The following LINGO2 variants were observed in gnomAD, a reference collection of about 807,000 sequenced individuals.
LINGO2 encodes leucine-rich repeat and immunoglobulin-like domain-containing nogo receptor-interacting protein 2.
LINGO2 carries 14 observed loss-of-function variants against 30.6 expected under a neutral mutation model. The ratio of observed to expected loss-of-function variants is 0.46; its 90% CI spans 0.30 to 0.72. The LOEUF (loss-of-function observed/expected upper bound fraction) is 0.72, where lower values mean the gene tolerates loss of function less well. Among genes scored for constraint, LINGO2 ranks in the 30% least tolerant of loss-of-function variants. LINGO2 has a pLI of 0.07. For missense variants in LINGO2, 729 were observed against 751.7 expected (o/e 0.97, Z 0.35); for synonymous variants, 317 against 288.5 (o/e 1.10, Z -1.00).
intron 4 of LINGO2, among the ~76,000 whole-genome samples, chr9:28,132,867 A>C (rs1827415486): frequency 6.6e-6 from 1 of 152,258 alleles, no homozygotes; most frequent in African/African-American, 2.4e-5. Flanking sequence ...ACTTACGTGA[A>C]TAGTGACAGC....
intron 2 of LINGO2, among the ~76,000 whole-genome samples, chr9:28,448,345 A>G (rs1824509974): frequency 6.6e-6 from 1 of 152,116 alleles, no homozygotes; most frequent in Non-Finnish European, 1.5e-5. Context: ...ACATTTAAAA[A>G]CTGCTATAAG....
chr9:28,622,670 A>G (rs1826458783), intron 1 of LINGO2, among the ~76,000 whole-genome samples: 1 of 151,970 alleles, frequency 6.6e-6, no homozygotes, highest in Non-Finnish European at 1.5e-5. Flanking sequence ...GAGTGCAGAC[A>G]TCTCTTAGAT....
chr9:28,446,677 G>T (rs905413786), intron 2 of LINGO2, among the ~76,000 whole-genome samples: 1 of 152,130 alleles, frequency 6.6e-6, no homozygotes, highest in Non-Finnish European at 1.5e-5. Context: ...CCTTCAAACT[G>T]GTTTTCCTTC....
the LINGO2 span, among the ~76,000 whole-genome samples, chr9:28,761,396 A>G: frequency 6.6e-6 from 1 of 151,902 alleles, no homozygotes; most frequent in South Asian, 2.1e-4. Context: ...GAGGAAGTAC[A>G]AAGGAAAAAC....
chr9:28,323,889 G>T (rs1180406031), intron 3 of LINGO2, among the ~76,000 whole-genome samples: 1 of 152,072 alleles, frequency 6.6e-6, no homozygotes, highest in Non-Finnish European at 1.5e-5. Context: ...GAAATTAAAA[G>T]CTACCCCTAA....
chr9:29,057,336 T>A, the LINGO2 span, among the ~76,000 whole-genome samples: 1 of 152,162 alleles, frequency 6.6e-6, no homozygotes, highest in South Asian at 2.1e-4. Flanking sequence ...TTGGTTTTCA[T>A]CCATGAAAGA....
chr9:28,429,460 G>T (rs1010642643), intron 2 of LINGO2, among the ~76,000 whole-genome samples: 2 of 152,064 alleles, frequency 1.3e-5, no homozygotes, highest in Non-Finnish European at 2.9e-5. Context: ...TCTCTCTTTG[G>T]TAGTTGAGGT....
intron 2 of LINGO2, among the ~76,000 whole-genome samples, chr9:28,397,611 G>A (rs1202823368): frequency 6.8e-6 from 1 of 146,356 alleles, no homozygotes; most frequent in Non-Finnish European, 1.5e-5. Flanking sequence ...GCAGTGGTGC[G>A]ATCTCAGCTC....
chr9:28,520,865 G>T (rs1318743818), intron 1 of LINGO2, among the ~76,000 whole-genome samples: 1 of 152,124 alleles, frequency 6.6e-6, no homozygotes, highest in East Asian at 1.9e-4. Flanking sequence ...CCTTAGAGCA[G>T]GAATATGATA....
At chr9:28,906,392 CAT>C in the LINGO2 span, among the ~76,000 whole-genome samples, 1 of 151,338 alleles carries the variant, frequency 6.6e-6, no homozygotes, top group East Asian at 1.9e-4. Context: ...TTCAAAAAAT[CAT>C]ACAGTACATA....
intron 1 of LINGO2, among the ~76,000 whole-genome samples, chr9:28,528,304 G>A (rs891184851): frequency 2.6e-5 from 4 of 152,304 alleles, no homozygotes; most frequent in African/African-American, 9.6e-5. Context: ...CAGAACTGGG[G>A]TAGTTGTCAG....
chr9:28,158,781 C>A (rs1828207187), intron 4 of LINGO2, among the ~76,000 whole-genome samples: 1 of 152,164 alleles, frequency 6.6e-6, no homozygotes. Context: ...GGATGAGTTT[C>A]ACAGGGGAAG....
chr9:28,994,839 C>T, the LINGO2 span, among the ~76,000 whole-genome samples: 1 of 152,096 alleles, frequency 6.6e-6, no homozygotes, highest in African/African-American at 2.4e-5. Flanking sequence ...AAACTGGATC[C>T]CTTCCTTACA....
chr9:28,701,690 A>G, the LINGO2 span, among the ~76,000 whole-genome samples: 1 of 151,864 alleles, frequency 6.6e-6, no homozygotes, highest in Admixed American at 6.6e-5. Flanking sequence ...ACATGTTGGG[A>G]TTTGACTGGG....
intron 1 of LINGO2, among the ~76,000 whole-genome samples, chr9:28,590,623 A>T (rs188243492): frequency 0.052 from 7,934 of 152,102 alleles, 345 homozygotes; most frequent in East Asian, 0.21. Flanking sequence ...ATCTCACACC[A>T]GTCAGAATGG....
intron 2 of LINGO2, among the ~76,000 whole-genome samples, chr9:28,466,341 A>T (rs963197954): frequency 5.3e-5 from 8 of 152,216 alleles, no homozygotes; most frequent in African/African-American, 1.9e-4. Context: ...AGAGGTCATT[A>T]TGCTAAATGA....
the LINGO2 span, among the ~76,000 whole-genome samples, chr9:28,838,442 T>C: frequency 6.6e-6 from 1 of 152,198 alleles, no homozygotes; most frequent in African/African-American, 2.4e-5. Flanking sequence ...ATATGTTACG[T>C]ATTGAATAGA....
chr9:28,742,967 C>G, the LINGO2 span, among the ~76,000 whole-genome samples: 62 of 151,970 alleles, frequency 4.1e-4, no homozygotes, highest in South Asian at 0.013. Flanking sequence ...AAGAAACATG[C>G]AATTATATAA....
intron 3 of LINGO2, among the ~76,000 whole-genome samples, chr9:28,372,187 T>C (rs10812789): frequency 0.78 from 119,286 of 152,144 alleles, 47,995 homozygotes; most frequent in Middle Eastern, 0.9. Context: ...TCAGCTATTA[T>C]ATTTAATTGC....
Sources: allele counts gnomAD v4.1 joint callset (sites outside exome capture counted in the v4.1 genomes callset), GRCh38; gene constraint gnomAD v4.1.1; transcripts MANE v1.5; gene names NCBI Gene and HGNC (gene_info 2026-07-23, HGNC 2026-07-21).